Variants in CDH13 observed in about 807,000 individuals in gnomAD.
CDH13 encodes cadherin 13.
CDH13 carries 24 observed loss-of-function variants against 63.8 expected under a neutral mutation model. The observed-to-expected ratio is 0.38, with a 90% CI of 0.27 to 0.53. The LOEUF (loss-of-function observed/expected upper bound fraction) is 0.53, where lower values mean the gene tolerates loss of function less well. Ranked by LOEUF, CDH13 falls within the 20% of genes least tolerant of loss-of-function variation. The pLI is 0.85. For synonymous variants in CDH13, 503 were observed against 355.3 expected, an observed-to-expected ratio of 1.42 and a Z score of -4.67; for missense variants, 1,049 against 903.1, an observed-to-expected ratio of 1.16 and a Z score of -2.07.
intron 5 of CDH13, among the ~76,000 whole-genome samples, chr16:83,246,800 A>G (rs199572609): frequency 6.6e-6 from 1 of 152,046 alleles, no homozygotes; most frequent in East Asian, 1.9e-4. Context: ...CGACTTCAAG[A>G]TGTGTTCAGT....
At chr16:83,453,629 G>A (rs547805351) in intron 6 of CDH13, among the ~76,000 whole-genome samples, 12 of 152,234 alleles carry the variant, frequency 7.9e-5, no homozygotes, top group East Asian at 1.9e-4. Flanking sequence ...TGGGGTGTGC[G>A]TCTGTTTAAT....
intron 3 of CDH13, among the ~76,000 whole-genome samples, chr16:83,114,106 C>T (rs1431686858): frequency 6.6e-6 from 1 of 152,124 alleles, no homozygotes; most frequent in African/African-American, 2.4e-5. Context: ...TATTTTCTAC[C>T]CGAAGCATAT....
rs111680723 is a variant in CDH13, at chr16:83,530,671, G to A, written c.960+44016G>A. Among the ~76,000 whole-genome samples, 1,086 of 152,316 alleles carry A rather than the reference G, an allele frequency of 7.1e-3. 13 individuals are homozygous for A. Among genetic ancestry groups the A allele is most frequent in the African/African-American group, 0.024 (1,006 of 41,572 alleles). ...TCTTAACCACACACACAAGGCTGCA[G>A]AATTCATCTCATTAACTTCCTTATT... On this transcript the variant is annotated intron_variant, in intron 7 of 13. Transcript: ENST00000567109.
At chr16:83,568,253 T>C (rs1417739106) in intron 7 of CDH13, among the ~76,000 whole-genome samples, 3 of 151,948 alleles carry the variant, frequency 2.0e-5, no homozygotes, top group Non-Finnish European at 4.4e-5. Flanking sequence ...AGATGAAAAA[T>C]GAAGCCACGA....
intron 7 of CDH13, among the ~76,000 whole-genome samples, chr16:83,578,288 G>A (rs952224553): frequency 6.6e-6 from 1 of 152,128 alleles, no homozygotes; most frequent in Non-Finnish European, 1.5e-5. Flanking sequence ...TCACAGCCGC[G>A]GGCTACTTTT....
At chr16:83,172,318 G>T (rs554246694) in intron 4 of CDH13, among the ~76,000 whole-genome samples, 2 of 151,940 alleles carry the variant, frequency 1.3e-5, no homozygotes. Context: ...GTGAAACCCC[G>T]TCTCTACTAA....
rs541903854 is a variant in CDH13 at position 82,794,008 on chromosome 16, C to T, written c.46-64354C>T. On this transcript the variant is annotated intron_variant, in intron 1 of 13. Coordinates refer to ENST00000567109, the MANE Select transcript of CDH13 (RefSeq NM_001257.5). ...CTGCTACAAGCCCCACCAAGAAGAG[C>T]CTCCCTGCTGGAGGAAAGCAGAAAG... is the stretch of plus-strand genomic sequence containing the variant. Among the ~76,000 whole-genome samples, 45 of 152,102 alleles carry T rather than the reference C, an allele frequency of 3.0e-4. 1 individual carries two copies. The highest frequency in any genetic ancestry group is 1.1e-3 in the African/African-American group (44 of 41,508).
intron 7 of CDH13, among the ~76,000 whole-genome samples, chr16:83,586,696 A>G (rs985808998): frequency 2.7e-4 from 41 of 152,208 alleles, no homozygotes; most frequent in Admixed American, 2.6e-3. Flanking sequence ...AGGGCAGTCT[A>G]TTAGGCATCT....
chr16:83,208,764 G>C (rs1210237982), intron 4 of CDH13, among the ~76,000 whole-genome samples: 2 of 152,124 alleles, frequency 1.3e-5, no homozygotes, highest in African/African-American at 2.4e-5. Flanking sequence ...CATATGTATA[G>C]TTATCATCCT....
intron 1 of CDH13, among the ~76,000 whole-genome samples, chr16:82,632,462 T>A (rs1011920971): frequency 2.0e-5 from 3 of 152,054 alleles, no homozygotes; most frequent in Admixed American, 2.0e-4. Context: ...CAGAGAGACA[T>A]AGCACCCAGA....
At chr16:83,351,076 T>C (rs1282063237) in intron 6 of CDH13, among the ~76,000 whole-genome samples, 1 of 152,186 alleles carries the variant, frequency 6.6e-6, no homozygotes, top group African/African-American at 2.4e-5. Context: ...CCGATGGTGT[T>C]CAGGTTGTTG....
intron 5 of CDH13, among the ~76,000 whole-genome samples, chr16:83,262,372 C>G (rs1413749010): frequency 2.6e-5 from 4 of 152,146 alleles, no homozygotes; most frequent in African/African-American, 4.8e-5. Context: ...AATCTCTTTT[C>G]CATGCTGTCT....
At chr16:82,723,344 C>T in intron 1 of CDH13, among the ~76,000 whole-genome samples, 1 of 152,096 alleles carries the variant, frequency 6.6e-6, no homozygotes, top group East Asian at 1.9e-4. Flanking sequence ...TTTATTGAAC[C>T]TTTTTGTGGG....
In CDH13 at chr16:82,707,574, A is replaced by G. The variant is rs201273463; in HGVS notation, c.45+80437A>G. Among the ~76,000 whole-genome samples, 19 of 152,334 alleles carry G rather than the reference A, an allele frequency of 1.2e-4. No homozygotes were observed. The East Asian group carries it at 2.9e-3, about 23-fold the overall frequency. ...TAGAAGCCAGGGTCTGTGATACATG[A>G]CAGAGTGACCATAGCACTCAGGGGT... On this transcript the variant is annotated intron_variant, in intron 1 of 13. Transcript: ENST00000567109.
chr16:82,802,402 A>G (rs2036910337), intron 1 of CDH13, among the ~76,000 whole-genome samples: 1 of 152,172 alleles, frequency 6.6e-6, no homozygotes, highest in Non-Finnish European at 1.5e-5. Context: ...TTCGCCTGGC[A>G]AAACAGGAGG....
At chr16:82,980,522 T>A (rs1299269626) in intron 2 of CDH13, among the ~76,000 whole-genome samples, 1 of 152,222 alleles carries the variant, frequency 6.6e-6, no homozygotes, top group African/African-American at 2.4e-5. Flanking sequence ...ACTTTAAAAC[T>A]AATGCAAATG....
chr16:83,748,623 T>C (rs1036637470), intron 11 of CDH13, among the ~76,000 whole-genome samples: 13 of 152,210 alleles, frequency 8.5e-5, no homozygotes, highest in Admixed American at 2.6e-4. Context: ...AGGACATCAC[T>C]GACCCTGACC....
chr16:83,061,884 A>T (rs980701159), intron 3 of CDH13, among the ~76,000 whole-genome samples: 1 of 152,172 alleles, frequency 6.6e-6, no homozygotes. Context: ...CAGCCCTGAG[A>T]TGTCACAATA....
chr16:83,225,514 T>G (rs1302930963), intron 5 of CDH13, among the ~76,000 whole-genome samples: 1 of 152,216 alleles, frequency 6.6e-6, no homozygotes, highest in Non-Finnish European at 1.5e-5. Context: ...CAGCCAGAGA[T>G]GAAGATGTCC....
Sources: gnomAD v4.1 joint callset for allele counts (sites outside exome capture counted in the v4.1 genomes callset) on GRCh38, gnomAD v4.1.1 for gene constraint, MANE v1.5 for transcripts, NCBI Gene and HGNC (gene_info 2026-07-23, HGNC 2026-07-21) for gene names.